ADAMTS9: variants seen among roughly 807,000 people sequenced by gnomAD.
ADAMTS9 encodes the protein ADAM metallopeptidase with thrombospondin type 1 motif 9, also known as A disintegrin and metalloproteinase with thrombospondin motifs 9.
In ADAMTS9, 107 loss-of-function variants were observed where a neutral mutation model predicts 257.1. That is an observed-to-expected ratio of 0.42 (90% confidence interval 0.36 to 0.49). The LOEUF (loss-of-function observed/expected upper bound fraction) is 0.49, where lower values mean the gene tolerates loss of function less well. Ranked by LOEUF, ADAMTS9 falls within the 20% of genes least tolerant of loss-of-function variation. ADAMTS9 has a pLI of 0.03. For synonymous variants in ADAMTS9, 982 were observed against 880.9 expected, an observed-to-expected ratio of 1.11 and a Z score of -2.03; for missense variants, 2,353 against 2,469.1, an observed-to-expected ratio of 0.95 and a Z score of 1.00.
At chr3:64,606,004 G>A (rs917394444) in intron 23 of ADAMTS9, among the ~76,000 whole-genome samples, 3 of 152,158 alleles carry the variant, frequency 2.0e-5, no homozygotes, top group African/African-American at 4.8e-5. Context: ...ATTGCCAAAT[G>A]AGCGTAGTTC....
chr3:64,609,681 A>C (rs968175194), intron 22 of ADAMTS9, among the ~76,000 whole-genome samples: 1 of 152,220 alleles, frequency 6.6e-6, no homozygotes, highest in African/African-American at 2.4e-5. Flanking sequence ...TAAAAGATTT[A>C]GTATTGCTAA....
intron 3 of ADAMTS9, among the ~76,000 whole-genome samples, chr3:64,672,454 A>G (rs547192738): frequency 3.7e-4 from 56 of 152,286 alleles, no homozygotes; most frequent in African/African-American, 1.3e-3. Flanking sequence ...AGGTCACAGC[A>G]GATGAACCAT....
chr3:64,549,141 C>T (rs1252654407), intron 31 of ADAMTS9, among the ~76,000 whole-genome samples: 1 of 152,198 alleles, frequency 6.6e-6, no homozygotes, highest in Non-Finnish European at 1.5e-5. Flanking sequence ...GTTTCCTTCC[C>T]TGTGGTCCCT....
chr3:64,541,996 T>C lies in ADAMTS9; in HGVS notation c.5065-26A>G. ...CTGTAAGACAAATGAGAGTCAGCGG[T>C]GTGGCTATGGAATGTGGGAGGCATA... is the stretch of plus-strand genomic sequence containing the variant. On this transcript the variant is annotated intron_variant, in intron 32 of 39. Coordinates refer to ENST00000498707, the MANE Select transcript of ADAMTS9 (RefSeq NM_182920.2). 1.9e-6 allele frequency: 3 copies of C among 1,613,636 alleles called. No individual in the cohort carries two copies. The South Asian group carries it at 3.3e-5, about 18-fold the overall frequency.
intron 38 of ADAMTS9, among the ~76,000 whole-genome samples, chr3:64,523,723 G>A (rs1176588176): frequency 2.0e-5 from 3 of 152,072 alleles, no homozygotes; most frequent in Admixed American, 6.6e-5. Flanking sequence ...TTTCTACCAC[G>A]GACTTACCCA....
At chr3:64,677,298 C>A (rs1400721840) in intron 3 of ADAMTS9, among the ~76,000 whole-genome samples, 1 of 152,108 alleles carries the variant, frequency 6.6e-6, no homozygotes, top group Non-Finnish European at 1.5e-5. Flanking sequence ...GATGAAAAGA[C>A]AAATAAATGC....
intron 30 of ADAMTS9, among the ~76,000 whole-genome samples, chr3:64,560,045 C>T (rs973813537): frequency 6.6e-6 from 1 of 152,200 alleles, no homozygotes; most frequent in African/African-American, 2.4e-5. Flanking sequence ...ATCCCCAAAC[C>T]ATAATAGATA....
In ADAMTS9 at chr3:64,518,888, C is replaced by T. The variant is rs146688098; in HGVS notation, c.*6-1767G>A. Among the ~76,000 whole-genome samples, 1,367 of 147,414 alleles carry T rather than the reference C, an allele frequency of 9.3e-3. 24 individuals carry two copies. Among genetic ancestry groups the T allele is most frequent in the African/African-American group, 0.03 (1,213 of 40,354 alleles). On this transcript the variant is annotated intron_variant, in intron 39 of 39. Transcript: ENST00000498707. ...TGTCTCCCAGGTTAAAGCGATTCTC[C>T]TGCCTCAGGCTCCCAAGTAGCTAGG...
At chr3:64,580,901 G>T (rs2083981916) in intron 28 of ADAMTS9, among the ~76,000 whole-genome samples, 1 of 152,166 alleles carries the variant, frequency 6.6e-6, no homozygotes, top group African/African-American at 2.4e-5. Context: ...CATGTTTCTA[G>T]AAGTTTTGAA....
At chr3:64,677,512 C>T (rs1032986223) in intron 3 of ADAMTS9, among the ~76,000 whole-genome samples, 12 of 152,154 alleles carry the variant, frequency 7.9e-5, no homozygotes, top group Non-Finnish European at 1.5e-4. Context: ...TTGGGCAAGT[C>T]CCCTAAACCC....
At chr3:64,652,515 G>A (rs1452022715) in intron 8 of ADAMTS9, among the ~76,000 whole-genome samples, 3 of 152,124 alleles carry the variant, frequency 2.0e-5, no homozygotes, top group African/African-American at 7.2e-5. Context: ...TTTCTTTATA[G>A]TGGTGTTTAT....
At position 64,568,349 on chromosome 3, in the gene ADAMTS9, G is replaced by A; in HGVS notation, c.4524+19C>T. The A allele has an allele frequency of 6.2e-7, 1 of 1,600,388 alleles. No individual in the cohort carries two copies. Among genetic ancestry groups the A allele is most frequent in the Non-Finnish European group, 8.5e-7 (1 of 1,175,168 alleles). On this transcript the variant is annotated intron_variant, in intron 29 of 39. Transcript: ENST00000498707. ...GCCAAACGTAAGGAAGCAGTCAGTA[G>A]AGGAGAAGCATTGCTCACCTGACTC... is the stretch of plus-strand genomic sequence containing the variant.
intron 31 of ADAMTS9, among the ~76,000 whole-genome samples, chr3:64,549,670 T>G (rs1227850584): frequency 6.6e-6 from 1 of 152,128 alleles, no homozygotes; most frequent in Non-Finnish European, 1.5e-5. Context: ...CAGATAATTC[T>G]GTATTGTGAG....
intron 6 of ADAMTS9, among the ~76,000 whole-genome samples, chr3:64,654,994 T>A: frequency 6.6e-6 from 1 of 152,174 alleles, no homozygotes; most frequent in East Asian, 1.9e-4. Flanking sequence ...ATGACCACAA[T>A]TGAGATGGCA....
At chr3:64,557,573 A>T (rs370691797) in intron 30 of ADAMTS9, among the ~76,000 whole-genome samples, 1 of 152,114 alleles carries the variant, frequency 6.6e-6, no homozygotes, top group African/African-American at 2.4e-5. Flanking sequence ...GCTGAGTCAA[A>T]CTGCTGTCAT....
chr3:64,573,499 CAGAT>C (rs2083752379), intron 28 of ADAMTS9, among the ~76,000 whole-genome samples: 1 of 152,184 alleles, frequency 6.6e-6, no homozygotes, highest in Non-Finnish European at 1.5e-5. Flanking sequence ...AACCATTACT[CAGAT>C]AGGTGTTTTG....
intron 22 of ADAMTS9, among the ~76,000 whole-genome samples, chr3:64,608,927 T>C (rs4688489): frequency 0.28 from 43,015 of 151,876 alleles, 8,149 homozygotes; most frequent in East Asian, 0.56. Flanking sequence ...TAGTACATCA[T>C]GGCCAAGTGG....
chr3:64,519,355 C>G (rs2082821379), intron 39 of ADAMTS9, among the ~76,000 whole-genome samples: 2 of 152,066 alleles, frequency 1.3e-5, no homozygotes. Context: ...AATAAACAGC[C>G]TTTTAAATAA....
intron 14 of ADAMTS9, among the ~76,000 whole-genome samples, chr3:64,632,965 G>A (rs1222333046): frequency 1.3e-5 from 2 of 152,160 alleles, no homozygotes; most frequent in East Asian, 1.9e-4. Flanking sequence ...ATGCTTTGCT[G>A]TTTCCCAGAA....
Sources: allele counts gnomAD v4.1 joint callset (sites outside exome capture counted in the v4.1 genomes callset), GRCh38; gene constraint gnomAD v4.1.1; transcripts MANE v1.5; gene names NCBI Gene and HGNC (gene_info 2026-07-23, HGNC 2026-07-21).